The following TMEM19 variants were observed in gnomAD, a reference collection of about 807,000 sequenced individuals.
TMEM19 encodes the protein transmembrane protein 19.
Under a neutral mutation model 33.6 loss-of-function variants are expected in TMEM19, and 21 were observed. The observed-to-expected ratio is 0.62, with a 90% CI of 0.44 to 0.90. TMEM19 has a LOEUF of 0.90. Among genes scored for constraint, TMEM19 ranks in the 40% least tolerant of loss-of-function variants. TMEM19 has a pLI of 0.00. For missense variants in TMEM19, 402 were observed against 401.8 expected (o/e 1.00, Z 0.00); for synonymous variants, 149 against 147.5 (o/e 1.01, Z -0.07).
intron 4 of TMEM19, among the ~76,000 whole-genome samples, chr12:71,698,384 T>C (rs1290352182): frequency 6.6e-6 from 1 of 152,198 alleles, no homozygotes; most frequent in Non-Finnish European, 1.5e-5. Context: ...TATTTATATC[T>C]TATAAAGAAA....
chr12:71,696,883 G>A (rs907560449), intron 3 of TMEM19, among the ~76,000 whole-genome samples: 2 of 152,048 alleles, frequency 1.3e-5, no homozygotes, highest in Non-Finnish European at 1.5e-5. Flanking sequence ...TCCTGACCTC[G>A]TGATCCGCCT....
chr12:71,704,115 G>C lies in TMEM19; in HGVS notation c.*3120G>C, dbSNP rs1393246365. ...TGATAGAAGAGAGCAGATATATGTG[G>C]CTTGGGGCAGCTCCTGAAGAAGACT... On this transcript the variant is annotated 3_prime_UTR_variant, in exon 6 of 6. Transcript: ENST00000266673. The C allele has an allele frequency of 6.8e-6, 2 of 294,226 alleles. No homozygotes were observed. Among genetic ancestry groups the C allele is most frequent in the Non-Finnish European group, 1.5e-5 (2 of 134,954 alleles). 18.2% of individuals were successfully genotyped at this position (294,226 alleles called of 1,614,324 possible). A position where few individuals can be genotyped will look rare whatever the true frequency, so the allele number is the denominator to read the frequency against.
At chr12:71,686,892 A>T in intron 1 of TMEM19, 82 bp downstream of exon 1, 29 of 1,394,778 alleles carry the variant, frequency 2.1e-5, no homozygotes, top group Non-Finnish European at 2.8e-5. Flanking sequence ...TCCAAAACTC[A>T]TATCCTCTGA....
Position 71,700,902 on chromosome 12 carries a change from C to T in TMEM19, c.918C>T (p.Pro306=), listed in dbSNP as rs758460579. The change falls in exon 6 of 6, where the codon CCC becomes CCT. Residue 306 remains proline, a synonymous_variant. Coordinates refer to ENST00000266673, the MANE Select transcript of TMEM19 (RefSeq NM_018279.4). The part of the protein sequence containing the change: ...TNKARHIAGK[P]ILDNNAVNLF... ...AGGCAAGGCACATAGCAGGGAAACC[C>T]ATTCTTGATAACAACGCAGTGAATC... The T allele has an allele frequency of 4.3e-6, 7 of 1,613,690 alleles. No homozygotes were observed. In the African/African-American group the frequency reaches 9.3e-5, roughly 22 times the overall value.
rs1275665748 is a variant in TMEM19, at chr12:71,696,554, A to C, written c.363A>C (p.Leu121=). The C allele has an allele frequency of 6.2e-7, 1 of 1,607,688 alleles. No homozygotes were observed. Among genetic ancestry groups the C allele is most frequent in the East Asian group, 2.2e-5 (1 of 44,770 alleles). The change falls in exon 3 of 6, where the codon CTA becomes CTC. Residue 121 remains leucine (L), a synonymous_variant. Transcript: ENST00000266673. ...GGAAGGGAGAAGTGAAGAAGCGTCTAGATTCAGAATATAAGGAAGGTAAAA... is the reference window on the plus strand; with the variant it reads ...GGAAGGGAGAAGTGAAGAAGCGTCTCGATTCAGAATATAAGGAAGGTAAAA... ...TKWKGEVKKR[L]DSEYKEGGQR...
chr12:71,691,720 G>C (rs2137593622), intron 2 of TMEM19, among the ~76,000 whole-genome samples: 1 of 147,368 alleles, frequency 6.8e-6, no homozygotes, highest in South Asian at 2.1e-4. Context: ...TTGGGCAACA[G>C]AGTGATACCC....
Position 71,696,417 on chromosome 12 carries a change from TTATA to T in TMEM19, c.245-15_245-12del, listed in dbSNP as rs750739284. 1.3e-6 allele frequency: 2 copies of T among 1,577,388 alleles called. No individual in the cohort carries two copies. On this transcript the variant is annotated splice_polypyrimidine_tract_variant and intron_variant, in intron 2 of 5. Transcript: ENST00000266673. ...GTATGAATTGAATATAATTCTGTGT[TTATA>T]TATGTTTCTTTCAGGGCTAGTCGTT...
Position 71,686,524 on chromosome 12 carries a change from G to A in TMEM19, c.-157G>A, listed in dbSNP as rs895362360. 1.3e-6 allele frequency: 1 copy of A among 754,390 alleles called. No homozygotes were observed. Among genetic ancestry groups the A allele is most frequent in the African/African-American group, 1.8e-5 (1 of 54,542 alleles). The allele number at this position is 754,390 out of a possible 1,614,324, so 46.7% of individuals were successfully genotyped here. ...TCTCCGCCAGTAGGAGTTTCCGGAA[G>A]GAGTTTGAATTTTTGTGATTTTTAT... On this transcript the variant is annotated 5_prime_UTR_variant, in exon 1 of 6. Coordinates refer to ENST00000266673, the MANE Select transcript of TMEM19 (RefSeq NM_018279.4).
intron 5 of TMEM19, chr12:71,699,566 G>T (rs774529583): frequency 5.4e-6 from 1 of 185,568 alleles, no homozygotes; most frequent in South Asian, 1.1e-4. Flanking sequence ...ATATATGGTC[G>T]ATGTCTGGGC....
chr12:71,692,017 G>T (rs766540200), intron 2 of TMEM19, among the ~76,000 whole-genome samples: 36 of 152,184 alleles, frequency 2.4e-4, no homozygotes, highest in Non-Finnish European at 5.1e-4. Context: ...ACTTGGGCAT[G>T]CTGCCTAACT....
chr12:71,695,254 TC>T (rs1311548847), intron 2 of TMEM19, among the ~76,000 whole-genome samples: 1 of 152,242 alleles, frequency 6.6e-6, no homozygotes, highest in African/African-American at 2.4e-5. Flanking sequence ...TCTGAAGCTG[TC>T]ACCAACATGA....
Position 71,701,202 on chromosome 12 carries a change from T to G in TMEM19, c.*207T>G, listed in dbSNP as rs146918422. On this transcript the variant is annotated 3_prime_UTR_variant, in exon 6 of 6. Coordinates refer to ENST00000266673, the MANE Select transcript of TMEM19 (RefSeq NM_018279.4). ...AGTGAAAGAGAAGAATTCCTAGAAC[T>G]TATGCATTTTTTTCCTGCTGAATGG... 1,680 of 437,350 alleles carry G rather than the reference T, an allele frequency of 3.8e-3. 6 individuals are homozygous for G. Among genetic ancestry groups the G allele is most frequent in the Non-Finnish European group, 5.2e-3 (1,335 of 254,860 alleles). The allele number at this position is 437,350 out of a possible 1,614,324, so 27.1% of individuals were successfully genotyped here.
chr12:71,692,005 A>C (rs186754522), intron 2 of TMEM19, among the ~76,000 whole-genome samples: 333 of 152,318 alleles, frequency 2.2e-3, no homozygotes, highest in Admixed American at 6.7e-3. Flanking sequence ...TTACCAGTGC[A>C]AACTTGGGCA....
Position 71,702,733 on chromosome 12 carries a change from AATC to A in TMEM19, c.*1744_*1746del, listed in dbSNP as rs768973552. On this transcript the variant is annotated 3_prime_UTR_variant, in exon 6 of 6. Transcript: ENST00000266673. ...TTTTTAAAGCTCTGACTGTACATTG[AATC>A]ATCATGTAAGGAGTTTTTAAAACAT... 3.9e-5 allele frequency: 6 copies of A among 152,196 alleles called. No individual in the cohort carries two copies. Among genetic ancestry groups the A allele is most frequent in the Non-Finnish European group, 5.9e-5 (4 of 68,030 alleles). The allele number at this position is 152,196 out of a possible 1,614,324, so 9.4% of individuals were successfully genotyped here. A position where few individuals can be genotyped will look rare whatever the true frequency, so the allele number is the denominator to read the frequency against.
chr12:71,700,972 T>G lies in TMEM19; in HGVS notation c.988T>G (p.Trp330Gly). 1 of 1,611,830 alleles carries G rather than the reference T, an allele frequency of 6.2e-7. No homozygotes were observed. The highest frequency in any genetic ancestry group is 1.1e-5 in the South Asian group (1 of 90,680). ...LIALLLPTAA[W>G]GFWPRG is the part of the protein sequence containing the mutation. Reference sequence around the variant, plus strand: ...TGCCCTCTTGCTCCCAACTGCTGCTTGGGGTTTTTGGCCCAGGGGGTGAAC... The same window carrying G: ...TGCCCTCTTGCTCCCAACTGCTGCTGGGGGTTTTTGGCCCAGGGGGTGAAC... Residue 330 changes from tryptophan (W) to glycine (G), a missense_variant, in exon 6 of 6, where the codon TGG becomes GGG. Trp to Gly is a radical substitution (Grantham distance 184). Coordinates refer to ENST00000266673, the MANE Select transcript of TMEM19 (RefSeq NM_018279.4).
At chr12:71,697,573 G>T in intron 4 of TMEM19, 39 bp downstream of exon 4, 1 of 1,538,992 alleles carries the variant, frequency 6.5e-7, no homozygotes, top group Non-Finnish European at 8.7e-7. Flanking sequence ...GGTAGACACA[G>T]TTGGTGAGTC....
In TMEM19 at chr12:71,704,345, T is replaced by C. The variant is rs1269204582; in HGVS notation, c.*3350T>C. 1 of 156,160 alleles carries C rather than the reference T, an allele frequency of 6.4e-6. No individual in the cohort carries two copies. The highest frequency in any genetic ancestry group is 1.4e-5 in the Non-Finnish European group (1 of 70,350). 9.7% of individuals were successfully genotyped at this position (156,160 alleles called of 1,614,324 possible). ...GCCCCAATTAGATAAAGGACTAGTA[T>C]AGAGAAAAAGCATGTGAAATGATGT... On this transcript the variant is annotated 3_prime_UTR_variant, in exon 6 of 6. Transcript: ENST00000266673.
Position 71,698,607 on chromosome 12 carries a change from AAGAGAGAGAGAGAGAGAGAGAGAG to A in TMEM19, c.638-263_638-240del, listed in dbSNP as rs71068787. ...GATAGAGCAAAACCTTGTCTCTGAA[AAGAGAGAGAGAGAGAGAGAGAGAG>A]AGAGAGAGAGAGAGAGAGAGAGAGA... On this transcript the variant is annotated intron_variant, in intron 4 of 5. Transcript: ENST00000266673. Among the ~76,000 whole-genome samples, 761 of 121,270 alleles carry A rather than the reference AAGAGAGAGAGAGAGAGAGAGAGAG, an allele frequency of 6.3e-3. 5 individuals carry two copies. Among genetic ancestry groups the A allele is most frequent in the African/African-American group, 0.024 (708 of 29,982 alleles). The allele number at this position is 121,270 out of a possible 152,430, so 79.6% of individuals were successfully genotyped here.
intron 5 of TMEM19, among the ~76,000 whole-genome samples, 186 bp from the exon 6 acceptor site, chr12:71,700,646 G>A (rs955184074): frequency 2.0e-5 from 3 of 151,344 alleles, no homozygotes; most frequent in Admixed American, 6.6e-5. Context: ...AAGTCATTTA[G>A]CAAGTCACTT....
Sources: allele counts gnomAD v4.1 joint callset (sites outside exome capture counted in the v4.1 genomes callset), GRCh38; gene constraint gnomAD v4.1.1; transcripts MANE v1.5; gene names NCBI Gene and HGNC (gene_info 2026-07-23, HGNC 2026-07-21).